Variants in MDM4 observed in about 807,000 individuals in gnomAD.
The protein encoded by MDM4 is protein Mdm4.
In MDM4, 2 loss-of-function variants were observed where a neutral mutation model predicts 60.2. The ratio of observed to expected loss-of-function variants is 0.03; its 90% CI spans 0.01 to 0.10. The LOEUF is 0.10. Ranked by LOEUF, MDM4 falls within the 10% of genes least tolerant of loss-of-function variation. The pLI, the probability that MDM4 is intolerant of heterozygous loss-of-function variation, is 1.00. For synonymous variants in MDM4, 202 were observed against 198.1 expected (o/e 1.02, Z -0.17); for missense variants, 447 against 577.5 (o/e 0.77, Z 2.32).
chr1:204,534,556 C>T (rs1308265369), intron 5 of MDM4, among the ~76,000 whole-genome samples: 4 of 152,084 alleles, frequency 2.6e-5, no homozygotes, highest in East Asian at 3.9e-4. Flanking sequence ...GGCAAGATCT[C>T]GGCTCACTGC....
At chr1:204,520,469 A>C (rs182819752) in intron 1 of MDM4, among the ~76,000 whole-genome samples, 10 of 152,180 alleles carry the variant, frequency 6.6e-5, no homozygotes, top group Admixed American at 6.5e-4. Flanking sequence ...AAAGCAAGGG[A>C]AATGAAAACA....
In MDM4 at chr1:204,551,975, G is replaced by T; in HGVS notation, c.*2293G>T. ...TACACTAACACTAACAATAGCTGATGAGCTAAAAAAAAAAAAAAAAAAAAT... is the reference window on the plus strand; with the variant it reads ...TACACTAACACTAACAATAGCTGATTAGCTAAAAAAAAAAAAAAAAAAAAT... On this transcript the variant is annotated 3_prime_UTR_variant, in exon 11 of 11. Transcript: ENST00000367182. The T allele has an allele frequency of 7.4e-6, 1 of 134,760 alleles. No individual in the cohort carries two copies. Among genetic ancestry groups the T allele is most frequent in the Non-Finnish European group, 1.6e-5 (1 of 62,052 alleles). 8.3% of individuals were successfully genotyped at this position (134,760 alleles called of 1,614,324 possible).
At chr1:204,523,992 C>T (rs938043788) in intron 1 of MDM4, among the ~76,000 whole-genome samples, 3 of 151,770 alleles carry the variant, frequency 2.0e-5, no homozygotes, top group African/African-American at 4.8e-5. Context: ...AGTAGTATGG[C>T]GGGAAGAACA....
At chr1:204,530,576 A>G in intron 3 of MDM4, 108 bp from the exon 4 acceptor site, 2 of 1,427,904 alleles carry the variant, frequency 1.4e-6, no homozygotes. Flanking sequence ...AGTCTTGTAA[A>G]TATGTTATTT....
intron 1 of MDM4, among the ~76,000 whole-genome samples, chr1:204,517,764 G>T (rs1196255612): frequency 1.3e-5 from 2 of 152,120 alleles, no homozygotes; most frequent in South Asian, 2.1e-4. Context: ...GTTGGCACGT[G>T]GAACTAGTAT....
At chr1:204,546,724 T>C (rs1299105336) in intron 9 of MDM4, 73 bp from the exon 10 acceptor site, 11 of 966,828 alleles carry the variant, frequency 1.1e-5, no homozygotes, top group Admixed American at 2.0e-5. Context: ...AGCAGTTGTC[T>C]TTTTTGCTTT....
intron 8 of MDM4, among the ~76,000 whole-genome samples, chr1:204,544,134 T>G (rs1233594951): frequency 6.6e-6 from 1 of 152,240 alleles, no homozygotes; most frequent in African/African-American, 2.4e-5. Context: ...ATAAACATCC[T>G]TGACCATTTT....
chr1:204,543,429 A>G (rs1171795962), intron 8 of MDM4, among the ~76,000 whole-genome samples: 1 of 152,162 alleles, frequency 6.6e-6, no homozygotes, highest in Non-Finnish European at 1.5e-5. Flanking sequence ...ACTTCCTGTC[A>G]TTCTTCTTTG....
intron 1 of MDM4, among the ~76,000 whole-genome samples, chr1:204,523,245 G>C (rs539885807): frequency 6.1e-5 from 9 of 148,668 alleles, no homozygotes; most frequent in Non-Finnish European, 8.9e-5. Flanking sequence ...TGAGGCAGGC[G>C]GATCACGAGG....
intron 7 of MDM4, among the ~76,000 whole-genome samples, chr1:204,540,557 G>GT (rs1472374174): frequency 3.3e-5 from 5 of 152,048 alleles, no homozygotes; most frequent in Admixed American, 3.3e-4. Context: ...GAGGTCAGGA[G>GT]TTCGAGACCA....
chr1:204,544,740 G>T, intron 9 of MDM4, 56 bp downstream of exon 9: 2 of 1,497,232 alleles, frequency 1.3e-6, no homozygotes, highest in Non-Finnish European at 9.1e-7. Context: ...AGTATCATCT[G>T]TTGAGATTTC....
At chr1:204,544,770 C>T (rs1662483046) in intron 9 of MDM4, 86 bp downstream of exon 9, 1 of 1,228,672 alleles carries the variant, frequency 8.1e-7, no homozygotes, top group Non-Finnish European at 1.1e-6. Flanking sequence ...GTTTTTACAA[C>T]AGATTGCTCA....
At chr1:204,546,717 A>T in intron 9 of MDM4, 80 bp from the exon 10 acceptor site, 1 of 861,866 alleles carries the variant, frequency 1.2e-6, no homozygotes, top group Non-Finnish European at 1.9e-6. Context: ...AAATTGAAGC[A>T]GTTGTCTTTT....
rs1240528088 is a variant in MDM4, at chr1:204,551,771, CAG to C, written c.*2093_*2094del. 1 of 226,390 alleles carries C rather than the reference CAG, an allele frequency of 4.4e-6. No individual in the cohort carries two copies. The highest frequency in any genetic ancestry group is 8.8e-6 in the Non-Finnish European group (1 of 113,922). 14.0% of individuals were successfully genotyped at this position (226,390 alleles called of 1,614,324 possible). Reference sequence around the variant, plus strand: ...TGCTTGTTAAAAATGTCCAAACGTGCAGAGACTGATCTTTGAGATCTGGACCA... The same window carrying C: ...TGCTTGTTAAAAATGTCCAAACGTGCAGACTGATCTTTGAGATCTGGACCA... On this transcript the variant is annotated 3_prime_UTR_variant, in exon 11 of 11. Coordinates refer to ENST00000367182, the MANE Select transcript of MDM4 (RefSeq NM_002393.5).
At chr1:204,538,616 A>G (rs1238044551) in intron 7 of MDM4, among the ~76,000 whole-genome samples, 1 of 151,898 alleles carries the variant, frequency 6.6e-6, no homozygotes, top group Admixed American at 6.6e-5. Flanking sequence ...GCTGCCTTAG[A>G]CTTTTCAATC....
chr1:204,516,572 CG>C (rs1487958784), intron 1 of MDM4, 63 bp downstream of exon 1: 4 of 152,244 alleles, frequency 2.6e-5, no homozygotes, highest in African/African-American at 9.7e-5. Context: ...GAGGAGCAGG[CG>C]GCCGTACCGC....
intron 1 of MDM4, among the ~76,000 whole-genome samples, chr1:204,524,062 G>A (rs1659856804): frequency 6.6e-6 from 1 of 152,140 alleles, no homozygotes; most frequent in African/African-American, 2.4e-5. Context: ...GAGTGACTCA[G>A]GATGGAGCAG....
chr1:204,539,513 C>CT lies in MDM4; in HGVS notation c.511+1207dup, dbSNP rs1349838620. Among the ~76,000 whole-genome samples the CT allele has an allele frequency of 3.4e-5, 5 of 146,322 alleles. No homozygotes were observed. In the East Asian group the frequency reaches 9.9e-4, roughly 29 times the overall value. ...AAGTTGAGCATCCAAAATCTGAAAA[C>CT]TTGTTTTTTTTTTTTGTTTTGTTTT... On this transcript the variant is annotated intron_variant, in intron 7 of 10. Transcript: ENST00000367182.
chr1:204,518,383 A>C (rs1490270676), intron 1 of MDM4, among the ~76,000 whole-genome samples: 11 of 152,136 alleles, frequency 7.2e-5, no homozygotes, highest in Admixed American at 6.5e-4. Flanking sequence ...TCCCAGTTTA[A>C]TCTTCCCACT....
Sources: allele counts gnomAD v4.1 joint callset (sites outside exome capture counted in the v4.1 genomes callset), GRCh38; gene constraint gnomAD v4.1.1; transcripts MANE v1.5; gene names NCBI Gene and HGNC (gene_info 2026-07-23, HGNC 2026-07-21).